The following N4BP2 variants were observed in gnomAD, a reference collection of about 807,000 sequenced individuals.
The protein encoded by N4BP2 is NEDD4 binding protein 2, also known as NEDD4-binding protein 2.
A neutral mutation model predicts 152.8 loss-of-function variants in N4BP2; 91 were observed. The ratio of observed to expected loss-of-function variants is 0.60; its 90% CI spans 0.50 to 0.71. The LOEUF (loss-of-function observed/expected upper bound fraction) is 0.71. N4BP2 is among the 30% of genes least tolerant of loss of function. N4BP2 has a pLI of 0.00. For missense variants in N4BP2, 1,923 were observed against 2,059.1 expected (o/e 0.93, Z 1.28); for synonymous variants, 646 against 705.3 (o/e 0.92, Z 1.33).
intron 1 of N4BP2, among the ~76,000 whole-genome samples, chr4:40,070,932 C>G (rs780650775): frequency 2.6e-5 from 4 of 151,404 alleles, no homozygotes; most frequent in Non-Finnish European, 5.9e-5. Context: ...TCATGCAGTT[C>G]TCTTGCCTCA....
chr4:40,066,878 T>C (rs1276184916), intron 1 of N4BP2, among the ~76,000 whole-genome samples: 1 of 152,116 alleles, frequency 6.6e-6, no homozygotes, highest in Non-Finnish European at 1.5e-5. Context: ...TTCCTAGCCA[T>C]TGGCAACCAC....
chr4:40,165,423 A>AT, the N4BP2 span, among the ~76,000 whole-genome samples: 1 of 152,122 alleles, frequency 6.6e-6, no homozygotes, highest in Non-Finnish European at 1.5e-5. Context: ...GAATTTTTGT[A>AT]TTTATAGTAG....
chr4:40,102,224 G>T lies in N4BP2; in HGVS notation c.379G>T (p.Asp127Tyr), dbSNP rs1715732377. 1 of 1,613,978 alleles carries T rather than the reference G, an allele frequency of 6.2e-7. No individual in the cohort carries two copies. Among genetic ancestry groups the T allele is most frequent in the African/African-American group, 1.3e-5 (1 of 75,044 alleles). ...MEKRPEEESE[D>Y]SKMDSFLDMQ... ...AAAACGTCCTGAAGAAGAGAGTGAA[G>T]ATTCAAAAATGGATTCATTTTTGGA... The change falls in exon 4 of 18, where the codon GAT becomes TAT. Residue 127 changes from aspartate to tyrosine, a missense_variant. By Grantham distance (160) the Asp-to-Tyr change is radical. Coordinates refer to ENST00000261435, the MANE Select transcript of N4BP2 (RefSeq NM_018177.6).
chr4:40,160,107 A>G (rs150208905), downstream of N4BP2, among the ~76,000 whole-genome samples: 151 of 152,312 alleles, frequency 9.9e-4, 2 homozygotes, highest in African/African-American at 3.4e-3. Flanking sequence ...GGTGTGAACA[A>G]TCACACCCGG....
chr4:40,142,395 G>A (rs901542105), intron 14 of N4BP2: 6 of 319,822 alleles, frequency 1.9e-5, no homozygotes, highest in African/African-American at 1.3e-4. Context: ...CTTCCAACTC[G>A]GAGTTCAGTA....
intron 2 of N4BP2, among the ~76,000 whole-genome samples, chr4:40,076,183 AAG>A (rs1712711253): frequency 6.6e-6 from 1 of 152,154 alleles, no homozygotes. Context: ...TTTCTATAAA[AAG>A]TATTTTTTGG....
At chr4:40,183,190 T>G in the N4BP2 span, among the ~76,000 whole-genome samples, 2 of 152,168 alleles carry the variant, frequency 1.3e-5, no homozygotes, top group Admixed American at 6.5e-5. Flanking sequence ...ATCATGAGCA[T>G]CTCCTTATGT....
intron 13 of N4BP2, among the ~76,000 whole-genome samples, chr4:40,136,285 T>C (rs1277723199): frequency 6.6e-6 from 1 of 152,198 alleles, no homozygotes; most frequent in Non-Finnish European, 1.5e-5. Context: ...GAATAGGTGA[T>C]AAAATGAAAG....
chr4:40,092,317 A>C (rs1714681773), intron 2 of N4BP2, among the ~76,000 whole-genome samples: 1 of 151,284 alleles, frequency 6.6e-6, no homozygotes, highest in South Asian at 2.1e-4. Flanking sequence ...TTATGAATTA[A>C]ATTTCTTTAT....
chr4:40,068,371 G>A (rs1411101161), intron 1 of N4BP2, among the ~76,000 whole-genome samples: 4 of 152,040 alleles, frequency 2.6e-5, no homozygotes, highest in Admixed American at 6.6e-5. Context: ...CTTTGGTGTC[G>A]TCTTCAAGAA....
At chr4:40,182,883 G>C in the N4BP2 span, among the ~76,000 whole-genome samples, 1 of 151,954 alleles carries the variant, frequency 6.6e-6, no homozygotes, top group African/African-American at 2.4e-5. Flanking sequence ...CACCATGTTG[G>C]CCAGGCTGGT....
At position 40,158,022 on chromosome 4, in the gene N4BP2, G is replaced by A. The variant is rs1280673585; in HGVS notation, c.*3785G>A. 6.6e-6 allele frequency: 1 copy of A among 152,126 alleles called. No individual in the cohort carries two copies. The highest frequency in any genetic ancestry group is 6.6e-5 in the Admixed American group (1 of 15,266). The allele number at this position is 152,126 out of a possible 1,614,324, so 9.4% of individuals were successfully genotyped here. ...TTATTAATAAATGATTGAGTTAACT[G>A]TGAGGCTTCTCATTAAAATACAATA... On this transcript the variant is annotated 3_prime_UTR_variant, in exon 18 of 18. Coordinates refer to ENST00000261435, the MANE Select transcript of N4BP2 (RefSeq NM_018177.6).
chr4:40,097,493 C>T lies in N4BP2; in HGVS notation c.153C>T (p.Phe51=). 6.2e-7 allele frequency: 1 copy of T among 1,613,972 alleles called. No individual in the cohort carries two copies. The highest frequency in any genetic ancestry group is 8.5e-7 in the Non-Finnish European group (1 of 1,179,878). ...CAAAAGTTGATCAGGAAGAACTCTT[C>T]ACCAGTATCTCAGAGATATTTTCTG... ...GETKVDQEEL[F]TSISEIFSDL... Residue 51 remains phenylalanine (F), a synonymous_variant, in exon 3 of 18, where the codon TTC becomes TTT. Transcript: ENST00000261435.
intron 2 of N4BP2, among the ~76,000 whole-genome samples, chr4:40,087,706 G>C (rs1714118169): frequency 6.6e-6 from 1 of 151,852 alleles, no homozygotes; most frequent in African/African-American, 2.4e-5. Context: ...AAGGAATGTT[G>C]TGTAAGTGGA....
intron 1 of N4BP2, among the ~76,000 whole-genome samples, chr4:40,072,182 C>G (rs933535654): frequency 1.3e-5 from 2 of 151,154 alleles, no homozygotes; most frequent in African/African-American, 4.9e-5. Flanking sequence ...TCAAGTGATT[C>G]TTGTGCGTCA....
At chr4:40,099,639 G>A (rs1715434958) in intron 3 of N4BP2, among the ~76,000 whole-genome samples, 1 of 151,974 alleles carries the variant, frequency 6.6e-6, no homozygotes, top group Non-Finnish European at 1.5e-5. Context: ...TTTTGTACAT[G>A]TTTGTTTATT....
chr4:40,072,896 AT>A (rs1712352742), intron 1 of N4BP2, among the ~76,000 whole-genome samples: 3 of 151,170 alleles, frequency 2.0e-5, no homozygotes, highest in Admixed American at 1.3e-4. Context: ...GCTAATTTTT[AT>A]TTTTAGCAGA....
Position 40,124,148 on chromosome 4 carries a change from T to G in N4BP2, c.4285-12T>G, listed in dbSNP as rs770001758. 6.2e-7 allele frequency: 1 copy of G among 1,605,676 alleles called. No homozygotes were observed. Among genetic ancestry groups the G allele is most frequent in the African/African-American group, 1.3e-5 (1 of 74,962 alleles). ...CCTGTTTGCCAATCTCTTGCCTGGC[T>G]TTTGTGTTTAGGAGCGACAAAGACA... On this transcript the variant is annotated splice_polypyrimidine_tract_variant and intron_variant, in intron 10 of 17. Coordinates refer to ENST00000261435, the MANE Select transcript of N4BP2 (RefSeq NM_018177.6).
At chr4:40,118,540 A>G (rs1452914228) in intron 8 of N4BP2, among the ~76,000 whole-genome samples, 1 of 152,178 alleles carries the variant, frequency 6.6e-6, no homozygotes, top group Non-Finnish European at 1.5e-5. Flanking sequence ...ACAAGTTCAT[A>G]TGAGAGATGA....
Sources: allele counts gnomAD v4.1 joint callset (sites outside exome capture counted in the v4.1 genomes callset), GRCh38; gene constraint gnomAD v4.1.1; transcripts MANE v1.5; gene names NCBI Gene and HGNC (gene_info 2026-07-23, HGNC 2026-07-21).